Variants in MACROD2 observed in about 807,000 individuals in gnomAD.
The protein encoded by MACROD2 is ADP-ribose glycohydrolase MACROD2.
MACROD2 carries 36 observed loss-of-function variants against 70.4 expected under a neutral mutation model. That is an observed-to-expected ratio of 0.51 (90% CI 0.39 to 0.68). The LOEUF (loss-of-function observed/expected upper bound fraction) is 0.68. Among genes scored for constraint, MACROD2 ranks in the 30% least tolerant of loss-of-function variants. The pLI is 0.00. For synonymous variants in MACROD2, 172 were observed against 178.8 expected, an observed-to-expected ratio of 0.96 and a Z score of 0.30; for missense variants, 496 against 538.4, an observed-to-expected ratio of 0.92 and a Z score of 0.78.
At chr20:14,102,493 G>A (rs1280612638) in intron 3 of MACROD2, among the ~76,000 whole-genome samples, 3 of 152,136 alleles carry the variant, frequency 2.0e-5, no homozygotes, top group Non-Finnish European at 4.4e-5. Context: ...GTTTGGGGGA[G>A]CAATAGTTCT....
At chr20:15,678,557 C>T (rs1054591291) in intron 8 of MACROD2, among the ~76,000 whole-genome samples, 9 of 152,038 alleles carry the variant, frequency 5.9e-5, no homozygotes, top group East Asian at 1.9e-4. Context: ...GACGAGGTTT[C>T]GTTATGTTAG....
intron 4 of MACROD2, among the ~76,000 whole-genome samples, chr20:14,586,196 A>C (rs1034935089): frequency 6.6e-6 from 1 of 151,960 alleles, no homozygotes; most frequent in Admixed American, 6.6e-5. Context: ...ATGTGGTCTC[A>C]AGTCTTGTGA....
chr20:15,205,767 A>G (rs2076696176), intron 5 of MACROD2, among the ~76,000 whole-genome samples: 2 of 152,222 alleles, frequency 1.3e-5, no homozygotes, highest in African/African-American at 4.8e-5. Context: ...GTAACAATAT[A>G]TTTGATTTTA....
intron 5 of MACROD2, among the ~76,000 whole-genome samples, chr20:15,099,580 G>A (rs1257749605): frequency 6.6e-6 from 1 of 152,140 alleles, no homozygotes; most frequent in Admixed American, 6.5e-5. Flanking sequence ...TATGGTGTTT[G>A]GTTATAGCAG....
intron 8 of MACROD2, among the ~76,000 whole-genome samples, chr20:15,712,516 T>C (rs2050643163): frequency 6.6e-6 from 1 of 152,154 alleles, no homozygotes; most frequent in Non-Finnish European, 1.5e-5. Flanking sequence ...GTTCTAGACC[T>C]ATCACTAACA....
chr20:14,094,724 G>C (rs865950974), intron 3 of MACROD2, among the ~76,000 whole-genome samples: 2 of 152,094 alleles, frequency 1.3e-5, no homozygotes, highest in African/African-American at 2.4e-5. Context: ...TCCAGATGCA[G>C]ACAAAATTAT....
At chr20:14,909,047 A>T (rs966164036) in intron 5 of MACROD2, among the ~76,000 whole-genome samples, 1 of 152,192 alleles carries the variant, frequency 6.6e-6, no homozygotes, top group Non-Finnish European at 1.5e-5. Flanking sequence ...AAATGATTTT[A>T]AAAATATTCT....
At chr20:15,104,650 C>T (rs16995312) in intron 5 of MACROD2, among the ~76,000 whole-genome samples, 6,037 of 151,974 alleles carry the variant, frequency 0.04, 131 homozygotes, top group Middle Eastern at 0.14. Flanking sequence ...GTTGTTGATA[C>T]GCCCATATTG....
intron 8 of MACROD2, among the ~76,000 whole-genome samples, chr20:15,800,598 C>G (rs1214235295): frequency 6.6e-6 from 1 of 152,148 alleles, no homozygotes; most frequent in Non-Finnish European, 1.5e-5. Context: ...TGAGCCACCC[C>G]GTCCGGGAGG....
At chr20:14,439,685 A>G (rs1272443890) in intron 3 of MACROD2, among the ~76,000 whole-genome samples, 3 of 152,302 alleles carry the variant, frequency 2.0e-5, no homozygotes, top group African/African-American at 7.2e-5. Flanking sequence ...TTTAAAATGA[A>G]TTTAATAATG....
intron 8 of MACROD2, among the ~76,000 whole-genome samples, chr20:15,797,254 CA>C (rs1168135871): frequency 1.3e-5 from 2 of 152,160 alleles, no homozygotes; most frequent in Admixed American, 6.5e-5. Context: ...GCTGGGACTA[CA>C]GGCCTCCGCT....
intron 2 of MACROD2, among the ~76,000 whole-genome samples, chr20:14,012,626 T>G (rs2052928444): frequency 6.6e-6 from 1 of 152,180 alleles, no homozygotes; most frequent in Non-Finnish European, 1.5e-5. Flanking sequence ...TTTCTCTGCT[T>G]CTTGGGAGTA....
intron 8 of MACROD2, among the ~76,000 whole-genome samples, chr20:15,815,374 CATATTTTAA>C (rs2063862223): frequency 6.6e-6 from 1 of 151,336 alleles, no homozygotes; most frequent in Admixed American, 6.6e-5. Context: ...AACTCTGTGG[CATATTTTAA>C]CAGAGTTTTT....
intron 5 of MACROD2, among the ~76,000 whole-genome samples, chr20:14,874,689 A>G (rs1267756607): frequency 1.3e-5 from 2 of 150,146 alleles, no homozygotes; most frequent in East Asian, 3.9e-4. Context: ...TTATTTATTT[A>G]TTTATTTATT....
Position 14,577,794 on chromosome 20 carries a change from A to AAAG in MACROD2, c.301+84288_301+84290dup, listed in dbSNP as rs775454835. On this transcript the variant is annotated intron_variant, in intron 4 of 17. Coordinates refer to ENST00000684519, the MANE Select transcript of MACROD2 (RefSeq NM_001351661.2). ...AAGATCATTTCTTAAAAAGAAAAGG[A>AAAG]AAGAGAAGAGAAGAGAAGAGAAGAG... Among the ~76,000 whole-genome samples, 330 of 137,826 alleles carry AAAG rather than the reference A, an allele frequency of 2.4e-3. 3 individuals carry two copies. The highest frequency in any genetic ancestry group is 8.2e-3 in the African/African-American group (311 of 38,056). The allele number at this position is 137,826 out of a possible 152,430, so 90.4% of individuals were successfully genotyped here.
At chr20:14,776,614 C>T (rs1244686284) in intron 5 of MACROD2, among the ~76,000 whole-genome samples, 1 of 152,028 alleles carries the variant, frequency 6.6e-6, no homozygotes, top group East Asian at 1.9e-4. Context: ...TAGATGCCTC[C>T]CTATCATCTG....
intron 5 of MACROD2, among the ~76,000 whole-genome samples, chr20:14,744,419 A>G (rs1180164330): frequency 1.3e-5 from 2 of 152,230 alleles, no homozygotes; most frequent in African/African-American, 4.8e-5. Context: ...AATCTAGCTA[A>G]TTAACATATA....
intron 5 of MACROD2, among the ~76,000 whole-genome samples, chr20:14,766,531 C>A (rs2072092023): frequency 6.6e-6 from 1 of 152,054 alleles, no homozygotes; most frequent in African/African-American, 2.4e-5. Context: ...ATATAAACCT[C>A]ACTGAAGCCT....
chr20:15,363,748 G>T (rs1338015229), intron 6 of MACROD2, among the ~76,000 whole-genome samples: 2 of 152,156 alleles, frequency 1.3e-5, no homozygotes, highest in Non-Finnish European at 2.9e-5. Flanking sequence ...CAAATTTAGT[G>T]TAATATAAAT....
Sources: allele counts gnomAD v4.1 joint callset (sites outside exome capture counted in the v4.1 genomes callset), GRCh38; gene constraint gnomAD v4.1.1; transcripts MANE v1.5; gene names NCBI Gene and HGNC (gene_info 2026-07-23, HGNC 2026-07-21).